Variants in DNAH3 observed in about 807,000 individuals in gnomAD.
DNAH3 encodes the protein dynein axonemal heavy chain 3, also known as axonemal beta dynein heavy chain 3.
In DNAH3, 332 loss-of-function variants were observed where a neutral mutation model predicts 432.5. The observed-to-expected ratio is 0.77, with a 90% confidence interval of 0.70 to 0.84. DNAH3 has a LOEUF of 0.84. Among genes scored for constraint, DNAH3 ranks in the 40% least tolerant of loss-of-function variants. DNAH3 has a pLI of 0.00. For missense variants in DNAH3, 4,861 were observed against 5,114.0 expected, an observed-to-expected ratio of 0.95 and a Z score of 1.51; for synonymous variants, 1,956 against 1,900.2, an observed-to-expected ratio of 1.03 and a Z score of -0.76.
At chr16:21,067,804 T>TGAGAGAGAGAGAGAGAGAGA (rs1555545880) in intron 23 of DNAH3, among the ~76,000 whole-genome samples, 6 of 75,656 alleles carry the variant, frequency 7.9e-5, no homozygotes, top group African/African-American at 2.6e-4. Context: ...AGAGAGAGAC[T>TGAGAGAGAGAGAGAGAGAGA]GACTAAGGCA....
At chr16:20,968,993 C>CT (rs1344187736) in intron 52 of DNAH3, among the ~76,000 whole-genome samples, 1 of 152,000 alleles carries the variant, frequency 6.6e-6, no homozygotes, top group East Asian at 1.9e-4. Context: ...GTCTCTATTT[C>CT]TACCTGTTTC....
chr16:21,140,709 T>C lies in DNAH3; in HGVS notation c.523A>G (p.Ile175Val), dbSNP rs1238750008. ...ATTGACGTCTTGAAGGCCAACTTGA[T>C]CCTGAAAAGTAGACACAGCTCAGCC... The change falls in exon 5 of 62, where the codon ATC becomes GTC. Residue 175 changes from isoleucine to valine, a missense_variant and splice_region_variant. Transcript: ENST00000261383. The C allele has an allele frequency of 1.9e-6, 3 of 1,613,922 alleles. No individual in the cohort carries two copies. In the Admixed American group the frequency reaches 5.0e-5, roughly 27 times the overall value.
chr16:21,115,398 A>AC (rs1231415353), intron 12 of DNAH3, among the ~76,000 whole-genome samples: 1 of 151,490 alleles, frequency 6.6e-6, no homozygotes, highest in Admixed American at 6.6e-5. Flanking sequence ...TAAAAAAAAA[A>AC]AAAAAAGTAG....
intron 48 of DNAH3, among the ~76,000 whole-genome samples, chr16:20,984,029 GAAA>G (rs61475224): frequency 4.5e-5 from 5 of 112,140 alleles, no homozygotes; most frequent in East Asian, 2.6e-4. Flanking sequence ...CCTATATCCA[GAAA>G]AAAAAAAAAA....
At chr16:20,945,897 C>T (rs1203802331) in intron 57 of DNAH3, among the ~76,000 whole-genome samples, 1 of 152,162 alleles carries the variant, frequency 6.6e-6, no homozygotes, top group Non-Finnish European at 1.5e-5. Context: ...GATCTGGACC[C>T]CCTTCCGATA....
Position 21,054,413 on chromosome 16 carries a change from G to A in DNAH3, c.4039+7C>T. On this transcript the variant is annotated splice_region_variant and intron_variant, in intron 28 of 61. Transcript: ENST00000261383. The stretch of plus-strand genomic sequence containing the variant: ...TCAGTAATGACAGGGGAAGCCCCCT[G>A]GCTTACCGTGGACATCGATGACCGT... 1 of 1,609,228 alleles carries A rather than the reference G, an allele frequency of 6.2e-7. No homozygotes were observed. Among genetic ancestry groups the A allele is most frequent in the Non-Finnish European group, 8.5e-7 (1 of 1,175,632 alleles).
chr16:21,051,994 AT>A, intron 28 of DNAH3, 126 bp from the exon 29 acceptor site: 1 of 742,070 alleles, frequency 1.3e-6, no homozygotes, highest in Non-Finnish European at 2.1e-6. Flanking sequence ...ATTTTATTTT[AT>A]TTTATTTATT....
At chr16:21,071,734 T>C (rs2090791374) in intron 21 of DNAH3, among the ~76,000 whole-genome samples, 1 of 152,048 alleles carries the variant, frequency 6.6e-6, no homozygotes, top group Non-Finnish European at 1.5e-5. Context: ...AAAATTTTTT[T>C]TTTAAAAAGA....
exon 40 of DNAH3, chr16:21,022,100 C>A: frequency 6.2e-7 from 1 of 1,613,818 alleles, no homozygotes; most frequent in Non-Finnish European, 8.5e-7. Context: ...ATGTCATTGA[C>A]CTGAGAGTAG....
In DNAH3 at chr16:21,134,472, G is replaced by T; in HGVS notation, c.887-18C>A. 6.2e-7 allele frequency: 1 copy of T among 1,608,644 alleles called. No individual in the cohort carries two copies. The highest frequency in any genetic ancestry group is 1.1e-5 in the South Asian group (1 of 90,750). On this transcript the variant is annotated intron_variant, in intron 6 of 61. Transcript: ENST00000261383. ...GTAATCAACTACAACCGGAAAGGGC[G>T]AACACCTCATTATTAAGCTCTAAGG...
Position 21,056,876 on chromosome 16 carries a change from G to A in DNAH3, c.3924+1210C>T, listed in dbSNP as rs28496329. On this transcript the variant is annotated intron_variant, in intron 27 of 61. Coordinates refer to ENST00000261383, the Ensembl canonical transcript of DNAH3. ...GTTTCTAAAGTTTGAAATGATGTACGTGAAAGCAGTTTGCATGTGTACAGT... is the reference window on the plus strand; with the variant it reads ...GTTTCTAAAGTTTGAAATGATGTACATGAAAGCAGTTTGCATGTGTACAGT... Among the ~76,000 whole-genome samples the A allele has an allele frequency of 6.7e-3, 1,025 of 152,308 alleles. 16 individuals carry two copies. Among genetic ancestry groups the A allele is most frequent in the African/African-American group, 0.023 (971 of 41,550 alleles).
At chr16:21,098,569 C>A in intron 17 of DNAH3, 47 bp downstream of exon 17, 1 of 1,558,364 alleles carries the variant, frequency 6.4e-7, no homozygotes, top group Admixed American at 2.0e-5. Context: ...GGATCAGAAC[C>A]AATAGACCAG....
chr16:21,118,832 C>T (rs1446597396), intron 11 of DNAH3, among the ~76,000 whole-genome samples: 1 of 152,186 alleles, frequency 6.6e-6, no homozygotes, highest in Non-Finnish European at 1.5e-5. Flanking sequence ...AGAATGTTCT[C>T]ACTTGCATGG....
At position 20,944,676 on chromosome 16, in the gene DNAH3, T is replaced by A; in HGVS notation, c.11344-13A>T. On this transcript the variant is annotated splice_polypyrimidine_tract_variant and intron_variant, in intron 57 of 61. Coordinates refer to ENST00000261383, the Ensembl canonical transcript of DNAH3. Reference sequence around the variant, plus strand: ...AGTCGATATAGGACTGGAAGGGAAATCTTCAGTTGAAATCAACGAGGGACC... The same window carrying A: ...AGTCGATATAGGACTGGAAGGGAAAACTTCAGTTGAAATCAACGAGGGACC... 1 of 1,613,550 alleles carries A rather than the reference T, an allele frequency of 6.2e-7. No homozygotes were observed. Among genetic ancestry groups the A allele is most frequent in the African/African-American group, 1.3e-5 (1 of 74,864 alleles).
intron 39 of DNAH3, among the ~76,000 whole-genome samples, chr16:21,024,212 G>A (rs889090761): frequency 2.6e-5 from 4 of 152,128 alleles, no homozygotes; most frequent in Non-Finnish European, 4.4e-5. Flanking sequence ...ATGGGAATTG[G>A]CAGCACCAAA....
At chr16:20,976,718 C>T (rs923297238) in intron 50 of DNAH3, among the ~76,000 whole-genome samples, 4 of 152,172 alleles carry the variant, frequency 2.6e-5, no homozygotes, top group African/African-American at 9.7e-5. Context: ...GTGAGGCCCA[C>T]ATGATGGGGT....
intron 18 of DNAH3, among the ~76,000 whole-genome samples, chr16:21,097,103 T>C (rs2152791067): frequency 6.6e-6 from 1 of 152,274 alleles, no homozygotes; most frequent in African/African-American, 2.4e-5. Context: ...TCTCCTACCA[T>C]CTGCAAATCT....
chr16:20,955,244 T>C (rs2084509688), intron 54 of DNAH3, among the ~76,000 whole-genome samples, 187 bp from the exon 55 acceptor site: 1 of 152,126 alleles, frequency 6.6e-6, no homozygotes, highest in African/African-American at 2.4e-5. Flanking sequence ...ATAGCTATGA[T>C]TAAATACTAC....
At chr16:21,037,848 T>G (rs775173142) in exon 34 of DNAH3, 1 of 1,614,220 alleles carries the variant, frequency 6.2e-7, no homozygotes, top group South Asian at 1.1e-5. Context: ...CATTCTCCTC[T>G]GGATACTTGA....
Sources: allele counts gnomAD v4.1 joint callset (sites outside exome capture counted in the v4.1 genomes callset), GRCh38; gene constraint gnomAD v4.1.1; transcripts MANE v1.5; gene names NCBI Gene and HGNC (gene_info 2026-07-23, HGNC 2026-07-21).